Variants in ARHGAP24 observed in about 807,000 individuals in gnomAD.
ARHGAP24 encodes the protein rho GTPase-activating protein 24.
ARHGAP24 carries 50 observed loss-of-function variants against 76.4 expected under a neutral mutation model. The ratio of observed to expected loss-of-function variants is 0.65; its 90% CI spans 0.52 to 0.83. ARHGAP24 has a LOEUF of 0.83. ARHGAP24 is among the 40% of genes least tolerant of loss of function. The probability of loss-of-function intolerance (pLI) is 0.00; values close to 1 mark genes in which losing one functional copy is unlikely to be tolerated. For synonymous variants in ARHGAP24, 345 were observed against 323.3 expected (o/e 1.07, Z -0.72); for missense variants, 930 against 914.2 (o/e 1.02, Z -0.22).
At chr4:85,570,776 G>C in intron 2 of ARHGAP24, 55 bp downstream of exon 2, 1 of 1,595,802 alleles carries the variant, frequency 6.3e-7, no homozygotes, top group Non-Finnish European at 8.6e-7. Context: ...AGAAATAGAG[G>C]GATTTGCTAG....
At chr4:85,763,953 C>A (rs954850766) in intron 3 of ARHGAP24, among the ~76,000 whole-genome samples, 10 of 152,086 alleles carry the variant, frequency 6.6e-5, no homozygotes, top group Non-Finnish European at 2.9e-5. Context: ...ATCCAAAAGT[C>A]AGCATCCTAT....
intron 1 of ARHGAP24, among the ~76,000 whole-genome samples, 198 bp downstream of exon 1, chr4:85,475,757 T>G (rs1454475500): frequency 2.0e-5 from 3 of 149,668 alleles, no homozygotes; most frequent in Admixed American, 1.3e-4. Flanking sequence ...AGGAATCCCG[T>G]GCTGATGTAG....
chr4:85,869,645 C>G (rs1732414380), intron 3 of ARHGAP24, among the ~76,000 whole-genome samples: 2 of 152,040 alleles, frequency 1.3e-5, no homozygotes, highest in Non-Finnish European at 2.9e-5. Context: ...CAAATTGGAG[C>G]AAAGGAATAG....
intron 1 of ARHGAP24, among the ~76,000 whole-genome samples, chr4:85,555,816 G>A (rs1187399285): frequency 6.6e-6 from 1 of 152,164 alleles, no homozygotes; most frequent in East Asian, 1.9e-4. Context: ...GCTGCATTGT[G>A]GACTCAAGCC....
In ARHGAP24 at chr4:85,994,607, T is replaced by C. The variant is rs759267939; in HGVS notation, c.953T>C (p.Met318Thr). The change falls in exon 9 of 10, where the codon ATG becomes ACG. Residue 318 changes from methionine to threonine, a missense_variant. Physicochemically the swap from Met to Thr is moderately conservative, Grantham distance 81. Transcript: ENST00000395184. ...MEGTVVVQQL[M>T]SVMISKHDCL... ...GGCACTGTGGTGGTCCAGCAGTTGA[T>C]GTCAGTGATGATTAGCAAACATGAT... 1.2e-6 allele frequency: 2 copies of C among 1,614,204 alleles called. No homozygotes were observed. Among genetic ancestry groups the C allele is most frequent in the Non-Finnish European group, 1.7e-6 (2 of 1,180,036 alleles).
intron 1 of ARHGAP24, among the ~76,000 whole-genome samples, chr4:85,541,284 G>T (rs1405491463): frequency 1.5e-5 from 2 of 134,236 alleles, no homozygotes; most frequent in Non-Finnish European, 3.0e-5. Context: ...CTCCCAAGTA[G>T]CTGGGACTAC....
chr4:85,835,440 G>A (rs1316024714), intron 3 of ARHGAP24, among the ~76,000 whole-genome samples: 9 of 150,922 alleles, frequency 6.0e-5, no homozygotes, highest in Admixed American at 4.6e-4. Context: ...GGCGTCTGTA[G>A]TCCCAGCTGG....
chr4:85,620,765 TTTTTTA>T lies in ARHGAP24; in HGVS notation c.180+50063_180+50068del, dbSNP rs935868715. Among the ~76,000 whole-genome samples, 65 of 152,024 alleles carry T rather than the reference TTTTTTA, an allele frequency of 4.3e-4. No individual in the cohort carries two copies. In the South Asian group the frequency reaches 1.0e-2, roughly 23 times the overall value. On this transcript the variant is annotated intron_variant, in intron 2 of 9. Coordinates refer to ENST00000395184, the MANE Select transcript of ARHGAP24 (RefSeq NM_001025616.3). Reference sequence around the variant, plus strand: ...GGTTACTTATTTGAGATGTTTCTTCTTTTTTATTTTTATTTTTATTTTTAAGTTTTA... The same window carrying T: ...GGTTACTTATTTGAGATGTTTCTTCTTTTTTATTTTTATTTTTAAGTTTTA...
In ARHGAP24 at chr4:85,557,547, C is replaced by G. The variant is rs1578033654; in HGVS notation, c.-20-12975C>G. Among the ~76,000 whole-genome samples, 4 of 152,246 alleles carry G rather than the reference C, an allele frequency of 2.6e-5. No individual in the cohort carries two copies. In the East Asian group the frequency reaches 7.7e-4, roughly 29 times the overall value. On this transcript the variant is annotated intron_variant, in intron 1 of 9. Transcript: ENST00000395184. Reference sequence around the variant, plus strand: ...TGACTCCCCTGGCTCTGGGCCACTCCAGGTGGGCAGTTTTCCTGTCTCACT... The same window carrying G: ...TGACTCCCCTGGCTCTGGGCCACTCGAGGTGGGCAGTTTTCCTGTCTCACT...
At chr4:85,934,862 A>G (rs969328485) in intron 4 of ARHGAP24, among the ~76,000 whole-genome samples, 1 of 152,326 alleles carries the variant, frequency 6.6e-6, no homozygotes, top group Admixed American at 6.5e-5. Context: ...ACTGTATCCT[A>G]ATAGCCACCT....
intron 2 of ARHGAP24, among the ~76,000 whole-genome samples, chr4:85,577,122 C>G (rs954945389): frequency 6.6e-6 from 1 of 150,720 alleles, no homozygotes; most frequent in Non-Finnish European, 1.5e-5. Flanking sequence ...ACTACTCATT[C>G]ATTTGATTTT....
chr4:85,498,367 G>C (rs1401467824), intron 1 of ARHGAP24, among the ~76,000 whole-genome samples: 10 of 152,172 alleles, frequency 6.6e-5, no homozygotes, highest in Admixed American at 6.5e-4. Flanking sequence ...GCCAACACTA[G>C]AGAGAAAGCA....
chr4:85,916,182 T>G (rs1471917182), intron 3 of ARHGAP24, among the ~76,000 whole-genome samples: 1 of 152,248 alleles, frequency 6.6e-6, no homozygotes, highest in Non-Finnish European at 1.5e-5. Flanking sequence ...ATGATGAGCT[T>G]TTTTTCATGT....
intron 1 of ARHGAP24, among the ~76,000 whole-genome samples, chr4:85,566,368 CA>C (rs1261238988): frequency 2.0e-5 from 3 of 152,058 alleles, no homozygotes; most frequent in African/African-American, 7.2e-5. Context: ...TATTTCCTGC[CA>C]AGACTAAAAA....
At chr4:85,751,176 T>A (rs1726248665) in intron 3 of ARHGAP24, among the ~76,000 whole-genome samples, 1 of 152,236 alleles carries the variant, frequency 6.6e-6, no homozygotes, top group Non-Finnish European at 1.5e-5. Flanking sequence ...ATTGTTCTTG[T>A]TATGTATCTT....
At chr4:85,601,382 A>G (rs984693207) in intron 2 of ARHGAP24, among the ~76,000 whole-genome samples, 2 of 152,330 alleles carry the variant, frequency 1.3e-5, no homozygotes, top group African/African-American at 4.8e-5. Flanking sequence ...CTGGTATTAT[A>G]TGCAACAACT....
intron 2 of ARHGAP24, among the ~76,000 whole-genome samples, chr4:85,581,999 A>G (rs570074646): frequency 6.6e-6 from 1 of 152,228 alleles, no homozygotes; most frequent in African/African-American, 2.4e-5. Flanking sequence ...CCAGGTTTCT[A>G]GAAGTTTTGT....
At chr4:85,622,178 T>C (rs997037021) in intron 2 of ARHGAP24, among the ~76,000 whole-genome samples, 2 of 152,096 alleles carry the variant, frequency 1.3e-5, no homozygotes, top group African/African-American at 4.8e-5. Context: ...ATATGGTCCA[T>C]GTTGGTGTGC....
intron 3 of ARHGAP24, among the ~76,000 whole-genome samples, chr4:85,834,905 C>T (rs932910981): frequency 2.0e-5 from 3 of 152,044 alleles, no homozygotes; most frequent in African/African-American, 7.3e-5. Flanking sequence ...GGAGTGGTTC[C>T]CAAGTAAAGA....
Sources: gnomAD v4.1 joint callset for allele counts (sites outside exome capture counted in the v4.1 genomes callset) on GRCh38, gnomAD v4.1.1 for gene constraint, MANE v1.5 for transcripts, NCBI Gene and HGNC (gene_info 2026-07-23, HGNC 2026-07-21) for gene names.